KIRREL3: variants seen among roughly 807,000 people sequenced by gnomAD.
KIRREL3 encodes kin of IRRE-like protein 3.
A neutral mutation model predicts 89.7 loss-of-function variants in KIRREL3; 36 were observed. That is an observed-to-expected ratio of 0.40 (90% CI 0.31 to 0.53). The LOEUF (loss-of-function observed/expected upper bound fraction) is 0.53, where lower values mean the gene tolerates loss of function less well. Ranked by LOEUF, KIRREL3 falls within the 20% of genes least tolerant of loss-of-function variation. The pLI, the probability that KIRREL3 is intolerant of heterozygous loss-of-function variation, is 0.49. For synonymous variants in KIRREL3, 445 were observed against 441.4 expected (o/e 1.01, Z -0.10); for missense variants, 864 against 1,056.6 (o/e 0.82, Z 2.53).
chr11:126,735,562 C>T (rs962640964), intron 1 of KIRREL3, among the ~76,000 whole-genome samples: 5 of 152,164 alleles, frequency 3.3e-5, no homozygotes, highest in Admixed American at 2.0e-4. Flanking sequence ...CAATAATGTG[C>T]GTCGGGGAAT....
chr11:126,687,636 G>T lies in KIRREL3; in HGVS notation c.56-124724C>A, dbSNP rs918098149. On this transcript the variant is annotated intron_variant, in intron 1 of 16. Coordinates refer to ENST00000525144, the MANE Select transcript of KIRREL3 (RefSeq NM_032531.4). This position sits in a 1 kb window ranked among gnomAD's most constrained non-coding sequence, Gnocchi z 4.6. ...TCATTGATTGATAGAGTAAATCATT[G>T]ATATTTTTCCCCATTGCTTCATTCA... Among the ~76,000 whole-genome samples the T allele has an allele frequency of 1.3e-5, 2 of 152,146 alleles. No homozygotes were observed. The highest frequency in any genetic ancestry group is 2.9e-5 in the Non-Finnish European group (2 of 68,038).
intron 4 of KIRREL3, among the ~76,000 whole-genome samples, chr11:126,510,021 A>G (rs1411581724): frequency 1.1e-4 from 16 of 149,990 alleles, no homozygotes; most frequent in Non-Finnish European, 5.9e-5. Context: ...AAAAAAAAGA[A>G]AAAAGAAAAA....
chr11:126,476,101 C>T lies in KIRREL3; in HGVS notation c.434-2635G>A, dbSNP rs183484337. On this transcript the variant is annotated intron_variant, in intron 4 of 16. Coordinates refer to ENST00000525144, the MANE Select transcript of KIRREL3 (RefSeq NM_032531.4). This position sits in a 1 kb window ranked among gnomAD's most constrained non-coding sequence, Gnocchi z 6.4. The stretch of plus-strand genomic sequence containing the variant: ...GTGGCTTCAGGTGCAAACGTGAGAG[C>T]TCGGAGGATCTGGGAACTGACCGCT... 6.6e-6 allele frequency among the ~76,000 whole-genome samples: 1 copy of T among 152,316 alleles called. No homozygotes were observed. Among genetic ancestry groups the T allele is most frequent in the East Asian group, 1.9e-4 (1 of 5,188 alleles).
chr11:126,580,529 G>T (rs1034485634), intron 1 of KIRREL3, among the ~76,000 whole-genome samples: 1 of 152,222 alleles, frequency 6.6e-6, no homozygotes, highest in Non-Finnish European at 1.5e-5. Context: ...GTCAGTGGAG[G>T]CATACCGTGG....
rs1948821603 is a variant in KIRREL3, at chr11:126,736,944, AGC to A, written c.56-174034_56-174033del. ...AAAGGTCCTACTTAGTTTTCCAGGG[AGC>A]CAGCAATTGGTTACATCAGAAAACT... is the stretch of plus-strand genomic sequence containing the variant. On this transcript the variant is annotated intron_variant, in intron 1 of 16. Transcript: ENST00000525144. This position sits in a 1 kb window ranked among gnomAD's most constrained non-coding sequence, Gnocchi z 5.0. Among the ~76,000 whole-genome samples, 1 of 152,204 alleles carries A rather than the reference AGC, an allele frequency of 6.6e-6. No homozygotes were observed. Among genetic ancestry groups the A allele is most frequent in the Admixed American group, 6.5e-5 (1 of 15,276 alleles).
intron 5 of KIRREL3, among the ~76,000 whole-genome samples, chr11:126,465,312 C>T (rs746666322): frequency 2.6e-5 from 4 of 152,148 alleles, no homozygotes; most frequent in Non-Finnish European, 4.4e-5. Flanking sequence ...TTTGATTAGC[C>T]AAAGAGAAAC....
rs891087806 is a variant in KIRREL3, at chr11:126,498,160, G to A, written c.433+23155C>T. On this transcript the variant is annotated intron_variant, in intron 4 of 16. Coordinates refer to ENST00000525144, the MANE Select transcript of KIRREL3 (RefSeq NM_032531.4). This position sits in a 1 kb window ranked among gnomAD's most constrained non-coding sequence, Gnocchi z 4.3. ...TGGACCAAGCTGATTGAGTGAAAGGGGGCAGAGTTGGGGTGGCCATCAAAC... is the reference window on the plus strand; with the variant it reads ...TGGACCAAGCTGATTGAGTGAAAGGAGGCAGAGTTGGGGTGGCCATCAAAC... Among the ~76,000 whole-genome samples, 1 of 152,200 alleles carries A rather than the reference G, an allele frequency of 6.6e-6. No individual in the cohort carries two copies. The highest frequency in any genetic ancestry group is 1.9e-4 in the East Asian group (1 of 5,202).
chr11:126,598,521 C>T (rs1171578491), intron 1 of KIRREL3, among the ~76,000 whole-genome samples: 1 of 152,176 alleles, frequency 6.6e-6, no homozygotes. Flanking sequence ...GTTTCTTCTT[C>T]CTGCCTGAAA....
intron 13 of KIRREL3, among the ~76,000 whole-genome samples, chr11:126,434,341 C>CA (rs1214670743): frequency 6.6e-6 from 1 of 152,256 alleles, no homozygotes; most frequent in Non-Finnish European, 1.5e-5. Context: ...AGACAGGAGA[C>CA]ACCACCCTCA....
rs1187528030 is a variant in KIRREL3, at chr11:126,757,123, TG to T, written c.56-194212del. On this transcript the variant is annotated intron_variant, in intron 1 of 16. Coordinates refer to ENST00000525144, the MANE Select transcript of KIRREL3 (RefSeq NM_032531.4). ...GGGGCAAGCTGTGAAATCTCTGAAA[TG>T]AAAATCAATTCCATCTCCATTTCAT... Among the ~76,000 whole-genome samples, 3 of 152,218 alleles carry T rather than the reference TG, an allele frequency of 2.0e-5. No homozygotes were observed. The East Asian group carries it at 5.8e-4, about 29-fold the overall frequency.
chr11:126,691,310 C>G (rs144466010), intron 1 of KIRREL3, among the ~76,000 whole-genome samples: 8 of 152,174 alleles, frequency 5.3e-5, no homozygotes, highest in Non-Finnish European at 1.2e-4. Flanking sequence ...CTCTCTCTCA[C>G]GTATACCAGC....
chr11:126,849,000 T>C (rs1247008686), intron 1 of KIRREL3, among the ~76,000 whole-genome samples: 3 of 152,204 alleles, frequency 2.0e-5, no homozygotes, highest in Admixed American at 1.3e-4. Flanking sequence ...ACAGAGCCAC[T>C]CCATCTTGAA....
chr11:126,450,974 G>A lies in KIRREL3; in HGVS notation c.849-1817C>T, dbSNP rs542685900. ...GCATGTGTGAGCGTGTGCATGCATG[G>A]GTGTGTGCATGTGTCAATGTGCATG... On this transcript the variant is annotated intron_variant, in intron 7 of 16. Transcript: ENST00000525144. 9.6e-3 allele frequency among the ~76,000 whole-genome samples: 1,288 copies of A among 134,696 alleles called. 5 individuals carry two copies. Among genetic ancestry groups the A allele is most frequent in the Non-Finnish European group, 0.014 (858 of 62,754 alleles). The allele number at this position is 134,696 out of a possible 152,430, so 88.4% of individuals were successfully genotyped here.
At chr11:126,874,937 T>C (rs1945225914) in intron 1 of KIRREL3, among the ~76,000 whole-genome samples, 1 of 152,156 alleles carries the variant, frequency 6.6e-6, no homozygotes, top group South Asian at 2.1e-4. Flanking sequence ...ACCGAGTCCA[T>C]GTCATGCTCC....
chr11:126,429,126 G>A lies in KIRREL3; in HGVS notation c.1806+53C>T. ...TTCATTGAGAAGCCTCTAGTCCCAGGACCTTCTGGGAATGGAGTCACGGGA... is the reference window on the plus strand; with the variant it reads ...TTCATTGAGAAGCCTCTAGTCCCAGAACCTTCTGGGAATGGAGTCACGGGA... On this transcript the variant is annotated intron_variant, in intron 15 of 16. Transcript: ENST00000525144. This position sits in a 1 kb window ranked among gnomAD's most constrained non-coding sequence, Gnocchi z 5.2. 8.4e-7 allele frequency: 1 copy of A among 1,197,436 alleles called. No individual in the cohort carries two copies. The highest frequency in any genetic ancestry group is 1.2e-6 in the Non-Finnish European group (1 of 811,724). The allele number at this position is 1,197,436 out of a possible 1,614,324, so 74.2% of individuals were successfully genotyped here.
At position 126,544,586 on chromosome 11, in the gene KIRREL3, G is replaced by A. The variant is rs1320347406; in HGVS notation, c.134-17899C>T. On this transcript the variant is annotated intron_variant, in intron 2 of 16. Coordinates refer to ENST00000525144, the MANE Select transcript of KIRREL3 (RefSeq NM_032531.4). The surrounding 1 kb of genome is among the most constrained non-coding windows in gnomAD (Gnocchi z 5.6). The stretch of plus-strand genomic sequence containing the variant: ...GACTTTCCATAGAGGGTCTTTGGCT[G>A]AGAGTCTGCAGCAGGAACCCAGAGT... Among the ~76,000 whole-genome samples, 1 of 152,164 alleles carries A rather than the reference G, an allele frequency of 6.6e-6. No homozygotes were observed. The highest frequency in any genetic ancestry group is 1.5e-5 in the Non-Finnish European group (1 of 68,042).
chr11:127,003,318 CCCGGCTGCCCGCGGCCTCACCTCCT>C (rs757441727), upstream of KIRREL3: 309 of 152,472 alleles, frequency 2.0e-3, 3 homozygotes, highest in Middle Eastern at 3.1e-3. Flanking sequence ...GCCATCTCCG[CCCGGCTGCCCGCGGCCTCACCTCCT>C]CCGGGGGCTC....
intron 1 of KIRREL3, among the ~76,000 whole-genome samples, chr11:126,967,438 C>A (rs1375821413): frequency 2.0e-5 from 3 of 152,136 alleles, no homozygotes; most frequent in African/African-American, 7.2e-5. Context: ...CTCCAAACTG[C>A]AGCCTTTCAC....
At chr11:126,543,130 C>G (rs553519294) in intron 2 of KIRREL3, among the ~76,000 whole-genome samples, 2 of 152,142 alleles carry the variant, frequency 1.3e-5, no homozygotes, top group African/African-American at 4.8e-5. Flanking sequence ...CTGTCACCCC[C>G]CAAACAGAGG....
Sources: gnomAD v4.1 joint callset for allele counts (sites outside exome capture counted in the v4.1 genomes callset) on GRCh38, gnomAD v4.1.1 for gene constraint, Gnocchi (gnomAD v3.1) non-coding constraint, MANE v1.5 for transcripts, NCBI Gene and HGNC (gene_info 2026-07-23, HGNC 2026-07-21) for gene names.